Variants in CRIM1 observed in about 807,000 individuals in gnomAD.
CRIM1 encodes the protein cysteine-rich motor neuron 1 protein.
CRIM1 carries 32 observed loss-of-function variants against 116.4 expected under a neutral mutation model. The observed-to-expected ratio is 0.27, with a 90% CI of 0.21 to 0.37. The LOEUF is 0.37. Ranked by LOEUF, CRIM1 falls within the 10% of genes least tolerant of loss-of-function variation. CRIM1 has a pLI of 1.00. For missense variants in CRIM1, 1,331 were observed against 1,354.8 expected (o/e 0.98, Z 0.28); for synonymous variants, 590 against 509.2 (o/e 1.16, Z -2.13).
intron 1 of CRIM1, among the ~76,000 whole-genome samples, chr2:36,357,632 C>T (rs1054024175): frequency 2.6e-5 from 4 of 152,070 alleles, no homozygotes; most frequent in Non-Finnish European, 5.9e-5. Flanking sequence ...AACGGGGGCA[C>T]GGTTCGGTAA....
intron 4 of CRIM1, among the ~76,000 whole-genome samples, chr2:36,445,737 G>C (rs150039840): frequency 3.9e-5 from 6 of 152,058 alleles, no homozygotes; most frequent in Admixed American, 3.9e-4. Flanking sequence ...GGGATGATAG[G>C]TTGTACATTG....
At chr2:36,533,700 C>G (rs559987099) in intron 13 of CRIM1, among the ~76,000 whole-genome samples, 1 of 152,198 alleles carries the variant, frequency 6.6e-6, no homozygotes, top group East Asian at 1.9e-4. Context: ...AGACAGTGAT[C>G]TCATACAGTT....
chr2:36,492,604 G>A (rs968880413), intron 7 of CRIM1, among the ~76,000 whole-genome samples: 4 of 152,192 alleles, frequency 2.6e-5, no homozygotes, highest in African/African-American at 4.8e-5. Flanking sequence ...TTTGAAAGGT[G>A]TTCTGACCAG....
chr2:36,543,024 G>C (rs577127451), intron 14 of CRIM1, among the ~76,000 whole-genome samples: 128 of 152,174 alleles, frequency 8.4e-4, no homozygotes, highest in African/African-American at 3.1e-3. Context: ...TTTAATTCTC[G>C]AGTTTGCAGG....
intron 4 of CRIM1, among the ~76,000 whole-genome samples, chr2:36,462,002 G>A (rs1038627755): frequency 3.3e-5 from 5 of 152,166 alleles, no homozygotes; most frequent in African/African-American, 1.2e-4. Flanking sequence ...ATGGCAACAG[G>A]TAGATCAGAA....
chr2:36,465,188 G>A (rs933632706), intron 5 of CRIM1, among the ~76,000 whole-genome samples: 6 of 152,226 alleles, frequency 3.9e-5, no homozygotes, highest in Non-Finnish European at 5.9e-5. Context: ...GCGGCCTGCT[G>A]TAGGCTTGAC....
intron 7 of CRIM1, among the ~76,000 whole-genome samples, chr2:36,487,561 A>AG (rs1221248163): frequency 6.7e-6 from 1 of 150,156 alleles, no homozygotes; most frequent in Non-Finnish European, 1.5e-5. Flanking sequence ...GTCTGGTTTA[A>AG]AAAAAAAAAA....
At chr2:36,514,520 G>A (rs1231274395) in intron 11 of CRIM1, among the ~76,000 whole-genome samples, 1 of 152,196 alleles carries the variant, frequency 6.6e-6, no homozygotes, top group African/African-American at 2.4e-5. Context: ...TTGGAAAACA[G>A]ACACAGAAAG....
intron 1 of CRIM1, among the ~76,000 whole-genome samples, chr2:36,380,527 G>C (rs573445283): frequency 1.3e-5 from 2 of 152,296 alleles, no homozygotes; most frequent in South Asian, 4.1e-4. Flanking sequence ...TGAGAGGCCA[G>C]ATCCTGTGGG....
At chr2:36,504,178 A>C (rs1355440818) in intron 8 of CRIM1, among the ~76,000 whole-genome samples, 3 of 152,080 alleles carry the variant, frequency 2.0e-5, no homozygotes, top group African/African-American at 7.2e-5. Flanking sequence ...CTGGCCCTTC[A>C]AGATTTCTTA....
intron 2 of CRIM1, among the ~76,000 whole-genome samples, chr2:36,402,343 G>A (rs1228476142): frequency 6.6e-6 from 1 of 151,168 alleles, no homozygotes; most frequent in Non-Finnish European, 1.5e-5. Context: ...CCTGAGGAGA[G>A]AGAATTCCAT....
intron 6 of CRIM1, among the ~76,000 whole-genome samples, chr2:36,478,335 C>T (rs1309030012): frequency 6.6e-6 from 1 of 152,144 alleles, no homozygotes; most frequent in African/African-American, 2.4e-5. Flanking sequence ...TACCTGCCCC[C>T]AGTCTGCAAT....
Position 36,441,242 on chromosome 2 carries a change from T to G in CRIM1, c.506-16T>G, listed in dbSNP as rs1675796882. 6.2e-7 allele frequency: 1 copy of G among 1,613,948 alleles called. No individual in the cohort carries two copies. Among genetic ancestry groups the G allele is most frequent in the African/African-American group, 1.3e-5 (1 of 74,918 alleles). On this transcript the variant is annotated splice_polypyrimidine_tract_variant and intron_variant, in intron 2 of 16. Coordinates refer to ENST00000280527, the MANE Select transcript of CRIM1 (RefSeq NM_016441.3). Reference sequence around the variant, plus strand: ...ACTGCCCTGGGCATAAGCTAAATTCTTTCTCTCCCTTTTAGAAGAGAAGCC... The same window carrying G: ...ACTGCCCTGGGCATAAGCTAAATTCGTTCTCTCCCTTTTAGAAGAGAAGCC...
intron 7 of CRIM1, among the ~76,000 whole-genome samples, chr2:36,491,801 C>T (rs1680244564): frequency 6.6e-6 from 1 of 152,186 alleles, no homozygotes; most frequent in Non-Finnish European, 1.5e-5. Context: ...CTTAAATGTG[C>T]ACACACACAA....
intron 4 of CRIM1, among the ~76,000 whole-genome samples, chr2:36,450,199 T>C (rs1676595834): frequency 6.6e-6 from 1 of 152,176 alleles, no homozygotes; most frequent in South Asian, 2.1e-4. Context: ...TTGGTAAATG[T>C]GCTGGAGAGG....
chr2:36,383,500 G>GTAT, intron 1 of CRIM1, among the ~76,000 whole-genome samples: 1 of 152,180 alleles, frequency 6.6e-6, no homozygotes, highest in East Asian at 1.9e-4. Flanking sequence ...TTTCCATGCA[G>GTAT]TATTGTTAGT....
intron 3 of CRIM1, 30 bp from the exon 4 acceptor site, chr2:36,442,585 A>G (rs1370321738): frequency 1.2e-6 from 2 of 1,614,000 alleles, no homozygotes; most frequent in East Asian, 4.5e-5. Context: ...ATATAACAAT[A>G]AACGGTGCCT....
At chr2:36,446,944 C>T (rs912503915) in intron 4 of CRIM1, among the ~76,000 whole-genome samples, 2 of 152,192 alleles carry the variant, frequency 1.3e-5, no homozygotes, top group African/African-American at 4.8e-5. Flanking sequence ...GAATTTACAA[C>T]AGAAACTTAA....
At chr2:36,525,554 A>G (rs183700589) in intron 13 of CRIM1, among the ~76,000 whole-genome samples, 7 of 152,274 alleles carry the variant, frequency 4.6e-5, no homozygotes, top group Non-Finnish European at 7.4e-5. Context: ...AAAGCACCCA[A>G]TTGTTTTTCC....
Sources: allele counts gnomAD v4.1 joint callset (sites outside exome capture counted in the v4.1 genomes callset), GRCh38; gene constraint gnomAD v4.1.1; transcripts MANE v1.5; gene names NCBI Gene and HGNC (gene_info 2026-07-23, HGNC 2026-07-21).